The following LPIN2 variants were observed in gnomAD, a reference collection of about 807,000 sequenced individuals.
LPIN2 encodes the protein lipin 2.
LPIN2 carries 55 observed loss-of-function variants against 111.4 expected under a neutral mutation model. The observed-to-expected ratio is 0.49, with a 90% confidence interval of 0.40 to 0.62. The LOEUF (loss-of-function observed/expected upper bound fraction) is 0.62, where lower values mean the gene tolerates loss of function less well. Ranked by LOEUF, LPIN2 falls within the 20% of genes least tolerant of loss-of-function variation. LPIN2 has a pLI of 0.00. For synonymous variants in LPIN2, 425 were observed against 414.0 expected (o/e 1.03, Z -0.32); for missense variants, 992 against 1,112.1 (o/e 0.89, Z 1.54).
intron 4 of LPIN2, chr18:2,946,428 A>G: frequency 1.4e-6 from 2 of 1,449,304 alleles, no homozygotes; most frequent in South Asian, 1.1e-5. Context: ...CAACCCTTTA[A>G]TGCATCGTGA....
intron 3 of LPIN2, among the ~76,000 whole-genome samples, chr18:2,952,947 G>GA (rs1420942192): frequency 2.0e-5 from 3 of 152,164 alleles, no homozygotes; most frequent in Admixed American, 6.5e-5. Flanking sequence ...AAATCTGAGA[G>GA]AAAAAAATCA....
At chr18:2,970,293 C>A (rs1337305059) in intron 1 of LPIN2, among the ~76,000 whole-genome samples, 1 of 152,202 alleles carries the variant, frequency 6.6e-6, no homozygotes, top group African/African-American at 2.4e-5. Flanking sequence ...AGGGTGGGCC[C>A]CCAGTAGCCA....
At chr18:2,979,777 G>T (rs2143358879) in intron 1 of LPIN2, among the ~76,000 whole-genome samples, 1 of 152,296 alleles carries the variant, frequency 6.6e-6, no homozygotes, top group South Asian at 2.1e-4. Context: ...TGGCGAGCAT[G>T]CTTTGAAAAC....
At chr18:2,934,799 G>A (rs1218713235) in intron 7 of LPIN2, among the ~76,000 whole-genome samples, 1 of 152,176 alleles carries the variant, frequency 6.6e-6, no homozygotes, top group Non-Finnish European at 1.5e-5. Context: ...CCTGCATTGG[G>A]AACGAGGGCA....
At chr18:2,920,975 G>C (rs1393062724) in intron 18 of LPIN2, 94 bp from the exon 19 acceptor site, 1 of 857,788 alleles carries the variant, frequency 1.2e-6, no homozygotes, top group Non-Finnish European at 2.0e-6. Flanking sequence ...TGCACAGACA[G>C]ACTCGACAGA....
Position 2,939,409 on chromosome 18 carries a change from C to T in LPIN2, c.822+71G>A, listed in dbSNP as rs2077338262. 3 of 1,595,686 alleles carry T rather than the reference C, an allele frequency of 1.9e-6. No individual in the cohort carries two copies. In the Admixed American group the frequency reaches 5.0e-5, roughly 27 times the overall value. Reference sequence around the variant, plus strand: ...GCTCAGTCAGAAATTGCCTCCTTTACTTATGGGCAGAGGAATTCGTCACTT... The same window carrying T: ...GCTCAGTCAGAAATTGCCTCCTTTATTTATGGGCAGAGGAATTCGTCACTT... On this transcript the variant is annotated intron_variant, in intron 6 of 19. Transcript: ENST00000677752.
intron 2 of LPIN2, among the ~76,000 whole-genome samples, chr18:2,956,933 C>CAA (rs2077624238): frequency 6.6e-6 from 1 of 152,186 alleles, no homozygotes; most frequent in South Asian, 2.1e-4. Flanking sequence ...CAGGCAACAA[C>CAA]AACACAAAGG....
rs1395752721 is a variant in LPIN2 at position 2,921,908 on chromosome 18, C to T, written c.2327+139G>A. On this transcript the variant is annotated intron_variant, in intron 17 of 19. Coordinates refer to ENST00000677752, the MANE Select transcript of LPIN2 (RefSeq NM_001375808.2). ...GGCAAGTGAGCAGTATGTGGTAGGACACCACCAGGGACCAAAGAACTGGGA... is the reference window on the plus strand; with the variant it reads ...GGCAAGTGAGCAGTATGTGGTAGGATACCACCAGGGACCAAAGAACTGGGA... The T allele has an allele frequency of 3.3e-6, 4 of 1,227,038 alleles. No homozygotes were observed. In the African/African-American group the frequency reaches 6.1e-5, roughly 19 times the overall value. The allele number at this position is 1,227,038 out of a possible 1,614,324, so 76.0% of individuals were successfully genotyped here.
rs2076999304 is a variant in LPIN2, at chr18:2,918,318, A to T, written c.*1975T>A. 6.6e-6 allele frequency: 1 copy of T among 152,258 alleles called. No homozygotes were observed. The highest frequency in any genetic ancestry group is 6.5e-5 in the Admixed American group (1 of 15,286). 9.4% of individuals were successfully genotyped at this position (152,258 alleles called of 1,614,324 possible). A position where few individuals can be genotyped will look rare whatever the true frequency, so the allele number is the denominator to read the frequency against. On this transcript the variant is annotated 3_prime_UTR_variant, in exon 20 of 20. Transcript: ENST00000677752. ...CTCTTTAAAGGACAACCTAAAAAGGATTAAAGATGTATATTAAGATTTTTC... is the reference window on the plus strand; with the variant it reads ...CTCTTTAAAGGACAACCTAAAAAGGTTTAAAGATGTATATTAAGATTTTTC...
At chr18:2,957,631 T>C (rs2077632516) in intron 2 of LPIN2, among the ~76,000 whole-genome samples, 1 of 152,130 alleles carries the variant, frequency 6.6e-6, no homozygotes, top group Non-Finnish European at 1.5e-5. Context: ...CTGATACTTC[T>C]GTAGGAAGCT....
chr18:2,922,555 G>A (rs902030957), intron 16 of LPIN2, among the ~76,000 whole-genome samples: 1 of 152,188 alleles, frequency 6.6e-6, no homozygotes, highest in Non-Finnish European at 1.5e-5. Flanking sequence ...GGGATTACAG[G>A]TGTGAGCCAC....
intron 1 of LPIN2, among the ~76,000 whole-genome samples, chr18:2,995,640 CAT>C (rs2078329180): frequency 6.6e-6 from 1 of 152,190 alleles, no homozygotes; most frequent in African/African-American, 2.4e-5. Context: ...GTCAATACCA[CAT>C]AGTCACAGAA....
intron 2 of LPIN2, among the ~76,000 whole-genome samples, chr18:2,955,966 T>A (rs1279064513): frequency 6.6e-6 from 1 of 152,094 alleles, no homozygotes; most frequent in African/African-American, 2.4e-5. Flanking sequence ...ACCTCCTATG[T>A]ATGAATAACA....
At chr18:2,951,404 T>C (rs1376254383) in intron 3 of LPIN2, 48 bp from the exon 4 acceptor site, 10 of 1,460,912 alleles carry the variant, frequency 6.8e-6, no homozygotes, top group African/African-American at 1.4e-5. Context: ...AACTCGACAG[T>C]GAATTAAAGC....
chr18:2,959,521 C>T (rs1275504415), intron 2 of LPIN2, among the ~76,000 whole-genome samples: 1 of 152,124 alleles, frequency 6.6e-6, no homozygotes, highest in African/African-American at 2.4e-5. Flanking sequence ...CAAAGCCTTT[C>T]TATGTTATTT....
chr18:2,989,621 T>TTA (rs60017200), intron 1 of LPIN2, among the ~76,000 whole-genome samples: 2 of 152,054 alleles, frequency 1.3e-5, no homozygotes, highest in African/African-American at 4.8e-5. Context: ...TTCAAAACTT[T>TTA]CAAAGTTACA....
intron 1 of LPIN2, among the ~76,000 whole-genome samples, chr18:2,998,809 G>C (rs2078384628): frequency 6.6e-6 from 1 of 152,196 alleles, no homozygotes; most frequent in Non-Finnish European, 1.5e-5. Flanking sequence ...CCAGGATATA[G>C]ATACGGTTTA....
At chr18:2,992,007 CA>C (rs60252505) in intron 1 of LPIN2, among the ~76,000 whole-genome samples, 140,098 of 142,210 alleles carry the variant, frequency 0.99, 69,010 homozygotes, top group South Asian at 1. Context: ...GACTCCATCT[CA>C]AAAAAAAAAA....
At chr18:3,006,978 T>C (rs1598617331) in intron 1 of LPIN2, among the ~76,000 whole-genome samples, 1 of 150,966 alleles carries the variant, frequency 6.6e-6, no homozygotes, top group African/African-American at 2.4e-5. Flanking sequence ...CCAGCCTCAG[T>C]GACAAAGTGA....
Sources: allele counts gnomAD v4.1 joint callset (sites outside exome capture counted in the v4.1 genomes callset), GRCh38; gene constraint gnomAD v4.1.1; transcripts MANE v1.5; gene names NCBI Gene and HGNC (gene_info 2026-07-23, HGNC 2026-07-21).